The following MITF variants were observed in gnomAD, a reference collection of about 807,000 sequenced individuals.
MITF encodes melanocyte inducing transcription factor, also known as microphthalmia-associated transcription factor.
Under a neutral mutation model 60.5 loss-of-function variants are expected in MITF, and 17 were observed. The ratio of observed to expected loss-of-function variants is 0.28; its 90% confidence interval spans 0.19 to 0.42. MITF has a LOEUF of 0.42. MITF is among the 10% of genes least tolerant of loss of function. The pLI is 1.00. For synonymous variants in MITF, 260 were observed against 248.5 expected, an observed-to-expected ratio of 1.05 and a Z score of -0.43; for missense variants, 622 against 683.5, an observed-to-expected ratio of 0.91 and a Z score of 1.00.
chr3:69,739,518 G>T lies in MITF; in HGVS notation c.-80G>T. 3.8e-6 allele frequency: 5 copies of T among 1,315,202 alleles called. No homozygotes were observed. The highest frequency in any genetic ancestry group is 3.2e-6 in the Non-Finnish European group (3 of 933,152). The allele number at this position is 1,315,202 out of a possible 1,614,324, so 81.5% of individuals were successfully genotyped here. A position where few individuals can be genotyped will look rare whatever the true frequency, so the allele number is the denominator to read the frequency against. On this transcript the variant is annotated 5_prime_UTR_variant, in exon 1 of 10. Coordinates refer to ENST00000352241, the MANE Select transcript of MITF (RefSeq NM_001354604.2). ...CTGCGCCGGGGCGCACGGCTCGGGGGACCCAGGCCCAGCTACCTTCCCTCC... is the reference window on the plus strand; with the variant it reads ...CTGCGCCGGGGCGCACGGCTCGGGGTACCCAGGCCCAGCTACCTTCCCTCC...
At chr3:69,829,813 A>T (rs1320648266) in intron 1 of MITF, among the ~76,000 whole-genome samples, 1 of 152,082 alleles carries the variant, frequency 6.6e-6, no homozygotes, top group Admixed American at 6.5e-5. Context: ...TTTTGAGCTG[A>T]TGGAAGTAAG....
At chr3:69,829,835 A>T (rs2063417337) in intron 1 of MITF, among the ~76,000 whole-genome samples, 1 of 152,194 alleles carries the variant, frequency 6.6e-6, no homozygotes, top group South Asian at 2.1e-4. Flanking sequence ...CCCAGGTAAC[A>T]AATGTAGGTG....
chr3:69,864,178 G>A (rs571200252), intron 1 of MITF, among the ~76,000 whole-genome samples: 1 of 152,220 alleles, frequency 6.6e-6, no homozygotes, highest in South Asian at 2.1e-4. Context: ...TGAAAGAACT[G>A]GGGCCCAGAA....
intron 1 of MITF, among the ~76,000 whole-genome samples, chr3:69,796,686 T>G (rs2062836701): frequency 1.3e-5 from 2 of 151,536 alleles, no homozygotes; most frequent in South Asian, 4.2e-4. Flanking sequence ...TTTTGTATTT[T>G]TGGTAGAGAC....
At chr3:69,797,688 G>C (rs1035748019) in intron 1 of MITF, among the ~76,000 whole-genome samples, 1 of 152,138 alleles carries the variant, frequency 6.6e-6, no homozygotes, top group African/African-American at 2.4e-5. Context: ...TGTACATTTT[G>C]TGAAGAATAA....
At chr3:69,824,612 A>G (rs2063326472) in intron 1 of MITF, among the ~76,000 whole-genome samples, 1 of 152,192 alleles carries the variant, frequency 6.6e-6, no homozygotes, top group South Asian at 2.1e-4. Context: ...TGGCTTCTCC[A>G]GGACCTGGCT....
chr3:69,796,288 C>T (rs6768546), intron 1 of MITF, among the ~76,000 whole-genome samples: 1 of 151,704 alleles, frequency 6.6e-6, no homozygotes, highest in African/African-American at 2.4e-5. Flanking sequence ...GCCTCTGTTG[C>T]TATTTTTGAA....
intron 1 of MITF, among the ~76,000 whole-genome samples, chr3:69,760,895 T>C (rs1306920242): frequency 6.6e-6 from 1 of 152,226 alleles, no homozygotes; most frequent in Non-Finnish European, 1.5e-5. Flanking sequence ...GTCATTATTG[T>C]AAACATTAAC....
At chr3:69,742,040 C>T (rs1005953928) in intron 1 of MITF, among the ~76,000 whole-genome samples, 6 of 152,142 alleles carry the variant, frequency 3.9e-5, no homozygotes, top group Admixed American at 2.0e-4. Flanking sequence ...AGAATCTGCC[C>T]GCTTCTTACC....
chr3:69,910,088 T>G (rs2065190642), intron 2 of MITF, among the ~76,000 whole-genome samples: 1 of 152,188 alleles, frequency 6.6e-6, no homozygotes. Flanking sequence ...ATCCCTGTGC[T>G]GTGTGCAGTC....
At chr3:69,893,751 A>T (rs2064811480) in intron 2 of MITF, among the ~76,000 whole-genome samples, 1 of 152,218 alleles carries the variant, frequency 6.6e-6, no homozygotes, top group African/African-American at 2.4e-5. Context: ...ATTACATTGC[A>T]GCAGCAAGGA....
At chr3:69,911,976 A>G (rs1374512479) in intron 2 of MITF, among the ~76,000 whole-genome samples, 1 of 152,244 alleles carries the variant, frequency 6.6e-6, no homozygotes, top group Non-Finnish European at 1.5e-5. Context: ...CTGCAGCATT[A>G]TCTGTGATTG....
chr3:69,835,535 T>TA (rs1559661956), intron 1 of MITF, among the ~76,000 whole-genome samples: 2 of 152,138 alleles, frequency 1.3e-5, no homozygotes, highest in Non-Finnish European at 2.9e-5. Flanking sequence ...AGGTCTTATT[T>TA]AAAAAATCCT....
intron 2 of MITF, among the ~76,000 whole-genome samples, chr3:69,902,806 C>G (rs1375570178): frequency 2.0e-5 from 3 of 151,572 alleles, no homozygotes; most frequent in Non-Finnish European, 2.9e-5. Flanking sequence ...TATTGTTAGC[C>G]CATGATATTT....
At chr3:69,863,782 G>A (rs926773442) in intron 1 of MITF, among the ~76,000 whole-genome samples, 8 of 152,056 alleles carry the variant, frequency 5.3e-5, no homozygotes, top group African/African-American at 1.4e-4. Flanking sequence ...GGCTGGTCTT[G>A]AACTCCTGGT....
intron 1 of MITF, among the ~76,000 whole-genome samples, chr3:69,842,191 CAACATAT>C (rs1418861638): frequency 6.6e-6 from 1 of 152,084 alleles, no homozygotes; most frequent in Non-Finnish European, 1.5e-5. Flanking sequence ...TGCTATAACA[CAACATAT>C]GTGTTTCTAA....
chr3:69,765,827 C>G (rs1056533650), intron 1 of MITF, among the ~76,000 whole-genome samples: 1 of 152,182 alleles, frequency 6.6e-6, no homozygotes, highest in African/African-American at 2.4e-5. Flanking sequence ...TCCATATACA[C>G]TTAGCCAACA....
At chr3:69,951,582 T>C (rs1382443775) in intron 6 of MITF, among the ~76,000 whole-genome samples, 2 of 152,198 alleles carry the variant, frequency 1.3e-5, no homozygotes, top group African/African-American at 4.8e-5. Flanking sequence ...CAGGGTTTTT[T>C]TTTACCATTT....
chr3:69,811,876 G>A (rs967003431), intron 1 of MITF, among the ~76,000 whole-genome samples: 4 of 152,154 alleles, frequency 2.6e-5, no homozygotes, highest in Admixed American at 6.5e-5. Context: ...GCTGCAACTC[G>A]ATGGCCCATG....
Sources: allele counts gnomAD v4.1 joint callset (sites outside exome capture counted in the v4.1 genomes callset), GRCh38; gene constraint gnomAD v4.1.1; transcripts MANE v1.5; gene names NCBI Gene and HGNC (gene_info 2026-07-23, HGNC 2026-07-21).